C16orf46: variants seen among roughly 807,000 people sequenced by gnomAD.
C16orf46 encodes the protein uncharacterized protein C16orf46.
C16orf46 carries 7 observed loss-of-function variants against 5.5 expected under a neutral mutation model. The observed-to-expected ratio is 1.28, with a 90% CI of 0.73 to 2.40. The LOEUF is 2.40. Ranked by LOEUF, C16orf46 falls within the 30% of genes most tolerant of loss-of-function variation. The pLI, the probability that C16orf46 is intolerant of heterozygous loss-of-function variation, is 0.00. For missense variants in C16orf46, 614 were observed against 476.0 expected (o/e 1.29, Z -2.70); for synonymous variants, 200 against 184.1 (o/e 1.09, Z -0.70).
chr16:81,074,557 G>T (rs1971962442), intron 1 of C16orf46, among the ~76,000 whole-genome samples: 1 of 151,888 alleles, frequency 6.6e-6, no homozygotes. Flanking sequence ...GCTAATTTTT[G>T]TATTTTTAGT....
At chr16:81,059,938 G>A (rs1170415183), downstream of C16orf46, among the ~76,000 whole-genome samples, 3 of 151,742 alleles carry the variant, frequency 2.0e-5, no homozygotes, top group Non-Finnish European at 2.9e-5. Flanking sequence ...ACAGAAGCCC[G>A]CCACCACGCC....
chr16:81,061,800 G>A lies in C16orf46; in HGVS notation c.549C>T (p.Gly183=), dbSNP rs1432599474. Residue 183 remains glycine, a synonymous_variant, in exon 4 of 4, where the codon GGC becomes GGT. Transcript: ENST00000299578. The stretch of plus-strand genomic sequence containing the variant: ...CTCCACTGGGATTCCCAGAGGCCTT[G>A]CCCCTATTAGTGCCGGGGATGGCCC... ...KDWAIPGTNR[G]KASGNPSGGA... 4.3e-6 allele frequency: 7 copies of A among 1,614,164 alleles called. No individual in the cohort carries two copies. The highest frequency in any genetic ancestry group is 5.9e-6 in the Non-Finnish European group (7 of 1,180,040).
chr16:81,054,223 T>C, intron 3 of C16orf46: 1 of 665,160 alleles, frequency 1.5e-6, no homozygotes. Context: ...CAATAACTTT[T>C]TCCTTGGTAG....
intron 1 of C16orf46, among the ~76,000 whole-genome samples, chr16:81,075,996 T>C (rs1372096909): frequency 4.6e-5 from 7 of 152,212 alleles, no homozygotes; most frequent in Non-Finnish European, 7.3e-5. Flanking sequence ...CTACAAGCTA[T>C]AGGTTTAAAG....
In C16orf46 at chr16:81,063,757, A is replaced by G. The variant is rs147791616; in HGVS notation, c.199T>C (p.Trp67Arg). ...KAKEFIIGTG[W>R]EEAVQGWGRT... ...AGAAAGATACTCACTGCCTCTTCCCATCCAGTTCCAATAATAAACTCTTTG... is the reference window on the plus strand; with the variant it reads ...AGAAAGATACTCACTGCCTCTTCCCGTCCAGTTCCAATAATAAACTCTTTG... The change falls in exon 3 of 4, where the codon TGG becomes CGG. Residue 67 changes from tryptophan (W) to arginine (R), a missense_variant. Transcript: ENST00000299578. 86 of 1,612,832 alleles carry G rather than the reference A, an allele frequency of 5.3e-5. No individual in the cohort carries two copies. The highest frequency in any genetic ancestry group is 6.9e-5 in the Non-Finnish European group (81 of 1,179,072).
chr16:81,053,844 TGGGGGCCGGG>T, exon 4 of C16orf46: 2 of 483,806 alleles, frequency 4.1e-6, no homozygotes, highest in Non-Finnish European at 3.7e-6. Flanking sequence ...AACCTCTTTT[TGGGGGCCGGG>T]TTGGGGAGAC....
At chr16:81,073,519 A>C (rs1971926786) in intron 1 of C16orf46, among the ~76,000 whole-genome samples, 1 of 152,220 alleles carries the variant, frequency 6.6e-6, no homozygotes, top group African/African-American at 2.4e-5. Flanking sequence ...ATAGGATGAA[A>C]TATAACATCC....
chr16:81,058,603 C>A (rs1309341091), downstream of C16orf46, among the ~76,000 whole-genome samples: 2 of 152,182 alleles, frequency 1.3e-5, no homozygotes, highest in Admixed American at 1.3e-4. Context: ...CATCAAATAT[C>A]CAAATGCCAG....
chr16:81,059,320 C>CAAA (rs71143671), downstream of C16orf46, among the ~76,000 whole-genome samples: 105 of 45,862 alleles, frequency 2.3e-3, no homozygotes, highest in East Asian at 4.4e-3. Flanking sequence ...GACTCTGTCT[C>CAAA]AAAAAAAAAA....
At position 81,061,401 on chromosome 16, in the gene C16orf46, G is replaced by A; in HGVS notation, c.948C>T (p.Ser316=). 6.2e-7 allele frequency: 1 copy of A among 1,614,216 alleles called. No individual in the cohort carries two copies. The highest frequency in any genetic ancestry group is 8.5e-7 in the Non-Finnish European group (1 of 1,180,042). Residue 316 remains serine (S), a synonymous_variant, in exon 4 of 4, where the codon AGC becomes AGT. Coordinates refer to ENST00000299578, the MANE Select transcript of C16orf46 (RefSeq NM_152337.3). ...GCAAGGCAGCAAGGTAGCGAACGTT[G>A]CTGGGGTCTGGAGGGCACGCCAGGT... The part of the protein sequence containing the change: ...EKNLACPPDP[S]NVRYLAALQL...
rs1277938689 is a variant in C16orf46, at chr16:81,072,258, G to C, written c.-128+4878C>G. ...AAGTACAGTTACTGAGATTGTGTCAGAGCTGAGATTACAAGGCCAGGTGGG... is the reference window on the plus strand; with the variant it reads ...AAGTACAGTTACTGAGATTGTGTCACAGCTGAGATTACAAGGCCAGGTGGG... On this transcript the variant is annotated intron_variant, in intron 1 of 3. Transcript: ENST00000299578. The C allele has an allele frequency of 2.0e-5, 3 of 146,834 alleles. No individual in the cohort carries two copies. In the East Asian group the frequency reaches 6.1e-4, roughly 30 times the overall value. 9.1% of individuals were successfully genotyped at this position (146,834 alleles called of 1,614,324 possible). A position where few individuals can be genotyped will look rare whatever the true frequency, so the allele number is the denominator to read the frequency against.
chr16:81,074,454 A>G (rs1971959717), intron 1 of C16orf46, among the ~76,000 whole-genome samples: 1 of 151,794 alleles, frequency 6.6e-6, no homozygotes, highest in Non-Finnish European at 1.5e-5. Flanking sequence ...GTATGATCTC[A>G]GCTCCCTGCA....
chr16:81,062,832 C>T (rs961719415), intron 3 of C16orf46, among the ~76,000 whole-genome samples: 1 of 149,512 alleles, frequency 6.7e-6, no homozygotes, highest in Admixed American at 6.7e-5. Context: ...ATCTGGTAAT[C>T]CTATGTTTAA....
intron 1 of C16orf46, among the ~76,000 whole-genome samples, chr16:81,073,442 A>C (rs770655933): frequency 3.9e-5 from 6 of 152,262 alleles, no homozygotes; most frequent in Non-Finnish European, 7.3e-5. Context: ...TTCCTGAAAG[A>C]TAACGTGGTA....
chr16:81,062,281 C>T (rs1309850551), intron 3 of C16orf46, 143 bp from the exon 4 acceptor site: 1 of 668,048 alleles, frequency 1.5e-6, no homozygotes, highest in Non-Finnish European at 2.2e-6. Flanking sequence ...CCTTCCCCCA[C>T]TAATAATTTT....
downstream of C16orf46, among the ~76,000 whole-genome samples, chr16:81,057,111 A>T (rs944204308): frequency 6.6e-6 from 1 of 152,186 alleles, no homozygotes; most frequent in African/African-American, 2.4e-5. Context: ...GCCCATCACA[A>T]AGAATGATCC....
chr16:81,076,071 G>C (rs1972030705), intron 1 of C16orf46, among the ~76,000 whole-genome samples: 1 of 152,166 alleles, frequency 6.6e-6, no homozygotes, highest in African/African-American at 2.4e-5. Flanking sequence ...TTGAATGAAC[G>C]TTCCTGTGGG....
intron 1 of C16orf46, among the ~76,000 whole-genome samples, chr16:81,067,041 C>A (rs1322242961): frequency 6.6e-6 from 1 of 152,098 alleles, no homozygotes; most frequent in Non-Finnish European, 1.5e-5. Context: ...CTGATCCAAG[C>A]CCCCAAAGTG....
exon 4 of C16orf46, chr16:81,053,986 C>T: frequency 7.0e-7 from 1 of 1,428,844 alleles, no homozygotes; most frequent in Non-Finnish European, 9.8e-7. Context: ...CGCCGCTTTT[C>T]CATGTCCTGG....
Sources: allele counts gnomAD v4.1 joint callset (sites outside exome capture counted in the v4.1 genomes callset), GRCh38; gene constraint gnomAD v4.1.1; transcripts MANE v1.5; gene names NCBI Gene and HGNC (gene_info 2026-07-23, HGNC 2026-07-21).